Variants in F13A1 observed in about 807,000 individuals in gnomAD.
F13A1 encodes FSF, A subunit.
A neutral mutation model predicts 80.1 loss-of-function variants in F13A1; 47 were observed. The observed-to-expected ratio is 0.59, with a 90% CI of 0.46 to 0.75. The LOEUF is 0.75. Ranked by LOEUF, F13A1 falls within the 30% of genes least tolerant of loss-of-function variation. The pLI is 0.00. For missense variants in F13A1, 817 were observed against 930.4 expected (o/e 0.88, Z 1.59); for synonymous variants, 349 against 344.9 (o/e 1.01, Z -0.13).
chr6:6,285,933 C>G (rs1052200772), intron 3 of F13A1, among the ~76,000 whole-genome samples: 32 of 152,206 alleles, frequency 2.1e-4, no homozygotes, highest in African/African-American at 7.5e-4. Context: ...TCCAGGGACA[C>G]TCAACTGGTA....
At position 6,197,401 on chromosome 6, in the gene F13A1, C is replaced by T. The variant is rs181789641; in HGVS notation, c.1113-75G>A. ...CTCCAAGAGATCAAGAAGTGACGGCCAGGCACAGTGGCTCATGCCTGTAAT... is the reference window on the plus strand; with the variant it reads ...CTCCAAGAGATCAAGAAGTGACGGCTAGGCACAGTGGCTCATGCCTGTAAT... On this transcript the variant is annotated intron_variant, in intron 8 of 14. Coordinates refer to ENST00000264870, the MANE Select transcript of F13A1 (RefSeq NM_000129.4). 72 of 1,403,928 alleles carry T rather than the reference C, an allele frequency of 5.1e-5. No homozygotes were observed. In the African/African-American group the frequency reaches 7.5e-4, roughly 15 times the overall value. 87.0% of individuals were successfully genotyped at this position (1,403,928 alleles called of 1,614,324 possible). A position where few individuals can be genotyped will look rare whatever the true frequency, so the allele number is the denominator to read the frequency against.
At chr6:6,253,381 T>A (rs1757661242) in intron 4 of F13A1, among the ~76,000 whole-genome samples, 1 of 152,102 alleles carries the variant, frequency 6.6e-6, no homozygotes, top group South Asian at 2.1e-4. Context: ...GCAGAAGCAA[T>A]GTTAGCAGAA....
At chr6:6,209,325 A>T (rs1329147216) in intron 8 of F13A1, among the ~76,000 whole-genome samples, 5 of 108,174 alleles carry the variant, frequency 4.6e-5, no homozygotes, top group African/African-American at 1.2e-4. Context: ...ATAATAATTA[A>T]AAAAAAAAAA....
At position 6,284,976 on chromosome 6, in the gene F13A1, T is replaced by C. The variant is rs551868831; in HGVS notation, c.320-18167A>G. On this transcript the variant is annotated intron_variant, in intron 3 of 14. Coordinates refer to ENST00000264870, the MANE Select transcript of F13A1 (RefSeq NM_000129.4). ...TTATATACTCTCTGACTGTGTTCAT[T>C]GTTTGTGGAATTCCTCTCACTCCAA... Among the ~76,000 whole-genome samples the C allele has an allele frequency of 5.9e-5, 9 of 152,366 alleles. No homozygotes were observed. In the South Asian group the frequency reaches 1.7e-3, roughly 28 times the overall value.
chr6:6,195,814 G>A lies in F13A1; in HGVS notation c.1288C>T (p.Pro430Ser), dbSNP rs1037980724. The A allele has an allele frequency of 4.3e-6, 7 of 1,614,148 alleles. No individual in the cohort carries two copies. Among genetic ancestry groups the A allele is most frequent in the Non-Finnish European group, 5.1e-6 (6 of 1,180,018 alleles). Residue 430 changes from proline to serine, a missense_variant, in exon 10 of 15, where the codon CCT (proline) becomes TCT (serine). Transcript: ENST00000264870. ...CTGCTTACCTCTGCAAAAACAAAAG[G>A]TGCATCAAATTGGAAGCAGACATGG... Reference protein sequence around the residue: ...HGHVCFQFDAPFVFAEVNSDL... With the variant: ...HGHVCFQFDASFVFAEVNSDL...
intron 11 of F13A1, among the ~76,000 whole-genome samples, chr6:6,177,795 C>T (rs556504303): frequency 1.1e-4 from 17 of 152,108 alleles, no homozygotes; most frequent in East Asian, 1.9e-4. Context: ...GATGCTGGGA[C>T]GGAGGTTGGC....
intron 3 of F13A1, among the ~76,000 whole-genome samples, chr6:6,296,846 C>T (rs1391066892): frequency 5.4e-5 from 8 of 148,516 alleles, no homozygotes; most frequent in Non-Finnish European, 1.0e-4. Context: ...GGAATGCTTC[C>T]AGTTTTGGCC....
intron 4 of F13A1, among the ~76,000 whole-genome samples, chr6:6,263,632 C>T (rs761932103): frequency 2.0e-5 from 3 of 152,300 alleles, no homozygotes; most frequent in Non-Finnish European, 2.9e-5. Flanking sequence ...GCTTACTTGA[C>T]GTTTTCATTT....
chr6:6,145,870 C>G, intron 14 of F13A1, 98 bp from the exon 15 acceptor site: 2 of 1,536,128 alleles, frequency 1.3e-6, no homozygotes, highest in Non-Finnish European at 1.8e-6. Context: ...TGCTTTCTTT[C>G]TCTCAGTTGG....
At chr6:6,210,319 C>T (rs1761580421) in intron 8 of F13A1, among the ~76,000 whole-genome samples, 2 of 55,004 alleles carry the variant, frequency 3.6e-5, no homozygotes, top group African/African-American at 1.7e-4. Context: ...AATTTTGTAG[C>T]ATGTGATATA....
At chr6:6,190,170 T>C (rs1450928117) in intron 10 of F13A1, among the ~76,000 whole-genome samples, 1 of 152,060 alleles carries the variant, frequency 6.6e-6, no homozygotes, top group African/African-American at 2.4e-5. Context: ...TTGGTTTGAA[T>C]GTCCTCCCGT....
intron 8 of F13A1, among the ~76,000 whole-genome samples, chr6:6,201,703 TTTTTG>T (rs200370923): frequency 0.018 from 2,744 of 152,198 alleles, 57 homozygotes; most frequent in African/African-American, 0.046. Context: ...ATTTTCCTGT[TTTTTG>T]TTTTGTTTTG....
intron 6 of F13A1, among the ~76,000 whole-genome samples, chr6:6,246,134 A>C (rs534546157): frequency 8.5e-5 from 13 of 152,334 alleles, no homozygotes; most frequent in Middle Eastern, 3.4e-3. Context: ...TCATTGAGAA[A>C]TTTAAAGATT....
chr6:6,263,091 T>C (rs568732105), intron 4 of F13A1, among the ~76,000 whole-genome samples: 2 of 152,342 alleles, frequency 1.3e-5, no homozygotes, highest in African/African-American at 4.8e-5. Flanking sequence ...AAACTCTCTT[T>C]CCTGGTTCCT....
At chr6:6,199,471 C>T (rs570802073) in intron 8 of F13A1, among the ~76,000 whole-genome samples, 73 of 149,614 alleles carry the variant, frequency 4.9e-4, no homozygotes, top group African/African-American at 1.6e-3. Flanking sequence ...CCAGCCTGGT[C>T]GACAGAGCGA....
At chr6:6,202,790 T>C (rs994841181) in intron 8 of F13A1, among the ~76,000 whole-genome samples, 8 of 152,224 alleles carry the variant, frequency 5.3e-5, no homozygotes, top group Non-Finnish European at 1.0e-4. Context: ...GTGTGTTCCG[T>C]GCAGTGACAG....
At chr6:6,252,709 A>T (rs1201793680) in intron 4 of F13A1, among the ~76,000 whole-genome samples, 2 of 152,232 alleles carry the variant, frequency 1.3e-5, no homozygotes, top group Non-Finnish European at 2.9e-5. Flanking sequence ...CACATACAAA[A>T]TGTTTCCAAT....
At chr6:6,167,345 T>G in intron 13 of F13A1, 113 bp downstream of exon 13, 1 of 835,490 alleles carries the variant, frequency 1.2e-6, no homozygotes, top group Middle Eastern at 3.6e-4. Context: ...TTTTTTTTTT[T>G]TGAGCAGGAC....
At chr6:6,259,517 A>G (rs537990678) in intron 4 of F13A1, among the ~76,000 whole-genome samples, 7 of 152,320 alleles carry the variant, frequency 4.6e-5, no homozygotes, top group Non-Finnish European at 8.8e-5. Context: ...GAAATATTAG[A>G]TGCTAATTTG....
Sources: allele counts gnomAD v4.1 joint callset (sites outside exome capture counted in the v4.1 genomes callset), GRCh38; gene constraint gnomAD v4.1.1; transcripts MANE v1.5; gene names NCBI Gene and HGNC (gene_info 2026-07-23, HGNC 2026-07-21).